ANKRD62: variants seen among roughly 807,000 people sequenced by gnomAD.
ANKRD62 encodes the protein ankyrin repeat domain-containing protein 62.
Under a neutral mutation model 98.8 loss-of-function variants are expected in ANKRD62, and 61 were observed. The observed-to-expected ratio is 0.62, with a 90% CI of 0.50 to 0.76. ANKRD62 has a LOEUF of 0.76. Ranked by LOEUF, ANKRD62 falls within the 30% of genes least tolerant of loss-of-function variation. ANKRD62 has a pLI of 0.00. For missense variants in ANKRD62, 933 were observed against 1,082.9 expected (o/e 0.86, Z 1.94); for synonymous variants, 341 against 367.9 (o/e 0.93, Z 0.84).
chr18:12,093,927 T>C lies in ANKRD62; in HGVS notation c.-91T>C, dbSNP rs898462171. The C allele has an allele frequency of 7.0e-6, 9 of 1,290,692 alleles. No individual in the cohort carries two copies. Among genetic ancestry groups the C allele is most frequent in the Non-Finnish European group, 7.5e-6 (7 of 931,678 alleles). The allele number at this position is 1,290,692 out of a possible 1,614,324, so 80.0% of individuals were successfully genotyped here. On this transcript the variant is annotated 5_prime_UTR_variant, in exon 1 of 14. Coordinates refer to ENST00000587848, the MANE Select transcript of ANKRD62 (RefSeq NM_001277333.2). ...GTTGCGGCTGGACCTGGTTACGTGC[T>C]GGTGCTGCGCTCCAGAGAGGCAGAA...
chr18:12,137,262 T>A, the ANKRD62 span, among the ~76,000 whole-genome samples: 2 of 152,256 alleles, frequency 1.3e-5, no homozygotes, highest in Non-Finnish European at 2.9e-5. Context: ...CATGAAGGGT[T>A]GTTGAATTTT....
intron 10 of ANKRD62, among the ~76,000 whole-genome samples, chr18:12,120,157 A>G (rs4636983): frequency 0.95 from 144,569 of 152,254 alleles, 68,739 homozygotes; most frequent in East Asian, 1. Flanking sequence ...GTACTTGAAA[A>G]GCATGGTGTT....
the ANKRD62 span, among the ~76,000 whole-genome samples, chr18:12,150,818 A>G: frequency 6.6e-6 from 1 of 152,238 alleles, no homozygotes; most frequent in African/African-American, 2.4e-5. Context: ...AAATATAGAA[A>G]GACCACCACC....
the ANKRD62 span, among the ~76,000 whole-genome samples, chr18:12,150,408 C>G: frequency 1.3e-5 from 2 of 152,166 alleles, no homozygotes; most frequent in African/African-American, 4.8e-5. Context: ...GACAACTTCC[C>G]CAAACTTGCT....
intron 7 of ANKRD62, among the ~76,000 whole-genome samples, chr18:12,106,289 C>G (rs1598732267): frequency 6.6e-6 from 1 of 152,146 alleles, no homozygotes; most frequent in Non-Finnish European, 1.5e-5. Flanking sequence ...CATGGATTCT[C>G]AGCCCAAAAT....
intron 8 of ANKRD62, 88 bp downstream of exon 8, chr18:12,107,555 A>C (rs745856947): frequency 2.2e-5 from 23 of 1,066,238 alleles, no homozygotes; most frequent in Non-Finnish European, 2.7e-5. Flanking sequence ...ACGATTAACA[A>C]ATTTTATACT....
At chr18:12,172,164 A>G in the ANKRD62 span, among the ~76,000 whole-genome samples, 1 of 152,208 alleles carries the variant, frequency 6.6e-6, no homozygotes, top group Non-Finnish European at 1.5e-5. Context: ...TTCTCCGTCC[A>G]ACTTTGTTCC....
the ANKRD62 span, among the ~76,000 whole-genome samples, chr18:12,135,541 C>A: frequency 6.6e-6 from 1 of 151,458 alleles, no homozygotes; most frequent in Non-Finnish European, 1.5e-5. Flanking sequence ...GATTTATCGT[C>A]CTTTGGGTAT....
chr18:12,152,367 T>C, the ANKRD62 span, among the ~76,000 whole-genome samples: 242 of 152,226 alleles, frequency 1.6e-3, 1 homozygote, highest in Non-Finnish European at 2.9e-3. Context: ...TCCATTAGCA[T>C]ATCAAAAAGC....
At chr18:12,154,809 T>A in the ANKRD62 span, among the ~76,000 whole-genome samples, 121 of 152,342 alleles carry the variant, frequency 7.9e-4, no homozygotes, top group African/African-American at 2.8e-3. Context: ...TAAGGTCATG[T>A]CTTTTGTGGG....
chr18:12,171,281 G>T, the ANKRD62 span, among the ~76,000 whole-genome samples: 683 of 115,420 alleles, frequency 5.9e-3, no homozygotes, highest in South Asian at 0.013. Context: ...GGTACCGGTT[G>T]TTCCTTTCCA....
chr18:12,146,638 T>C, the ANKRD62 span, among the ~76,000 whole-genome samples: 1 of 151,954 alleles, frequency 6.6e-6, no homozygotes. Flanking sequence ...TAGAGACGGG[T>C]TCTCACCATG....
the ANKRD62 span, among the ~76,000 whole-genome samples, chr18:12,135,884 G>A: frequency 3.3e-5 from 5 of 151,836 alleles, no homozygotes; most frequent in Admixed American, 3.3e-4. Flanking sequence ...ACTTTTTGAT[G>A]GGGTTGTTTG....
At chr18:12,173,538 A>T in the ANKRD62 span, among the ~76,000 whole-genome samples, 1,768 of 152,232 alleles carry the variant, frequency 0.012, 17 homozygotes, top group African/African-American at 0.019. Context: ...TGTCGTCATG[A>T]TGTTAGCTGG....
At chr18:12,161,606 C>T in the ANKRD62 span, among the ~76,000 whole-genome samples, 3 of 152,072 alleles carry the variant, frequency 2.0e-5, no homozygotes, top group South Asian at 6.2e-4. Flanking sequence ...TGTTGTGCTA[C>T]CAAACACTAG....
At chr18:12,137,199 C>T in the ANKRD62 span, among the ~76,000 whole-genome samples, 4 of 152,060 alleles carry the variant, frequency 2.6e-5, no homozygotes, top group African/African-American at 7.2e-5. Context: ...ATACATAGCT[C>T]TTATTATTTT....
chr18:12,153,717 G>T, the ANKRD62 span, among the ~76,000 whole-genome samples: 3 of 151,998 alleles, frequency 2.0e-5, no homozygotes, highest in Non-Finnish European at 2.9e-5. Flanking sequence ...TAGGTTACCC[G>T]ACTTCAAACT....
the ANKRD62 span, among the ~76,000 whole-genome samples, chr18:12,136,633 G>T: frequency 3.3e-5 from 5 of 152,152 alleles, no homozygotes; most frequent in African/African-American, 9.7e-5. Flanking sequence ...ATTACCTTGG[G>T]CAGTATGGCC....
the ANKRD62 span, among the ~76,000 whole-genome samples, chr18:12,163,372 ATTTG>A: frequency 6.6e-5 from 10 of 152,176 alleles, no homozygotes; most frequent in East Asian, 1.9e-3. Flanking sequence ...ACTTAAATCA[ATTTG>A]TTTGTCAGTT....
Sources: gnomAD v4.1 joint callset for allele counts (sites outside exome capture counted in the v4.1 genomes callset) on GRCh38, gnomAD v4.1.1 for gene constraint, MANE v1.5 for transcripts, NCBI Gene and HGNC (gene_info 2026-07-23, HGNC 2026-07-21) for gene names.